Variants in MAF observed in about 807,000 individuals in gnomAD.
The protein encoded by MAF is transcription factor Maf.
Under a neutral mutation model 22.0 loss-of-function variants are expected in MAF, and 10 were observed. The observed-to-expected ratio is 0.45, with a 90% CI of 0.28 to 0.77. The LOEUF (loss-of-function observed/expected upper bound fraction) is 0.77, where lower values mean the gene tolerates loss of function less well. Among genes scored for constraint, MAF ranks in the 30% least tolerant of loss-of-function variants. MAF has a pLI of 0.12. For missense variants in MAF, 544 were observed against 548.4 expected (o/e 0.99, Z 0.08); for synonymous variants, 337 against 255.8 (o/e 1.32, Z -3.03).
downstream of MAF, among the ~76,000 whole-genome samples, chr16:79,589,705 G>T (rs527610625): frequency 5.3e-5 from 8 of 152,280 alleles, no homozygotes; most frequent in African/African-American, 1.9e-4. Flanking sequence ...GCGCACCGGG[G>T]AGTTTTGATA....
the MAF span, among the ~76,000 whole-genome samples, chr16:79,369,947 C>T: frequency 2.0e-5 from 3 of 152,208 alleles, no homozygotes; most frequent in African/African-American, 7.2e-5. Flanking sequence ...CACAGAGGGC[C>T]TCTCCCAACC....
the MAF span, among the ~76,000 whole-genome samples, chr16:79,422,701 T>G: frequency 6.6e-6 from 1 of 152,220 alleles, no homozygotes; most frequent in Non-Finnish European, 1.5e-5. Context: ...GATTTAAAAC[T>G]CATTCACTCA....
the MAF span, among the ~76,000 whole-genome samples, chr16:79,543,824 C>A: frequency 1.3e-4 from 20 of 152,116 alleles, no homozygotes; most frequent in South Asian, 4.2e-3. Context: ...GTAGCTGGGA[C>A]TACAGGCGCC....
chr16:79,213,661 T>G, the MAF span, among the ~76,000 whole-genome samples: 2 of 152,118 alleles, frequency 1.3e-5, no homozygotes, highest in African/African-American at 4.8e-5. Flanking sequence ...GAGAGACACG[T>G]AGTCACTCCC....
chr16:79,475,337 T>G, the MAF span, among the ~76,000 whole-genome samples: 6 of 148,030 alleles, frequency 4.1e-5, no homozygotes, highest in East Asian at 3.9e-4. Flanking sequence ...TATATGGAGA[T>G]ATATATATAT....
At chr16:79,297,215 A>G in the MAF span, among the ~76,000 whole-genome samples, 2 of 152,192 alleles carry the variant, frequency 1.3e-5, no homozygotes, top group South Asian at 4.1e-4. Flanking sequence ...AGGGGATCCA[A>G]TGAGACAACA....
the MAF span, among the ~76,000 whole-genome samples, chr16:79,230,918 T>C: frequency 2.0e-5 from 3 of 152,226 alleles, no homozygotes; most frequent in Admixed American, 2.0e-4. Context: ...GGGGTAGGGC[T>C]GCATACGCTA....
At chr16:79,426,235 C>A in the MAF span, among the ~76,000 whole-genome samples, 1 of 151,714 alleles carries the variant, frequency 6.6e-6, no homozygotes, top group African/African-American at 2.4e-5. Flanking sequence ...AACATCTTCA[C>A]TGAGGTGGAA....
At chr16:79,539,964 G>C in the MAF span, among the ~76,000 whole-genome samples, 2 of 152,052 alleles carry the variant, frequency 1.3e-5, no homozygotes, top group Non-Finnish European at 2.9e-5. Flanking sequence ...GATGATTTCT[G>C]TAACAAAAAA....
At chr16:79,202,694 C>G in the MAF span, 2 of 152,148 alleles carry the variant, frequency 1.3e-5, no homozygotes, top group African/African-American at 4.8e-5. Context: ...TGTTAACAAA[C>G]GAGTTCAAGT....
chr16:79,566,253 T>C, the MAF span, among the ~76,000 whole-genome samples: 4 of 152,142 alleles, frequency 2.6e-5, no homozygotes, highest in African/African-American at 4.8e-5. Context: ...CATGCATCAA[T>C]ATAGGACACA....
At chr16:79,263,664 A>G in the MAF span, among the ~76,000 whole-genome samples, 2 of 152,094 alleles carry the variant, frequency 1.3e-5, no homozygotes, top group Admixed American at 6.5e-5. Context: ...TAAACCTGTC[A>G]TTCTGTGTTT....
At chr16:79,335,795 T>C in the MAF span, among the ~76,000 whole-genome samples, 1 of 152,276 alleles carries the variant, frequency 6.6e-6, no homozygotes, top group South Asian at 2.1e-4. Context: ...CTCTGGTTGG[T>C]GATTTTCTTC....
chr16:79,471,453 T>C, the MAF span, among the ~76,000 whole-genome samples: 1,642 of 152,164 alleles, frequency 0.011, 38 homozygotes, highest in African/African-American at 0.038. Flanking sequence ...AGCCCAGGAG[T>C]TACAGCTCAG....
chr16:79,388,041 C>G, the MAF span, among the ~76,000 whole-genome samples: 3 of 152,184 alleles, frequency 2.0e-5, no homozygotes, highest in African/African-American at 4.8e-5. Context: ...AAAACTTCCA[C>G]TGAGTTTTCT....
chr16:79,413,400 C>T, the MAF span, among the ~76,000 whole-genome samples: 23,151 of 127,936 alleles, frequency 0.18, 2,716 homozygotes, highest in South Asian at 0.33. Flanking sequence ...CCTGCCACCT[C>T]GCCCGGCTAA....
At chr16:79,598,288 A>G in intron 1 of MAF, 1 of 1,075,482 alleles carries the variant, frequency 9.3e-7, no homozygotes, top group Non-Finnish European at 1.1e-6. Flanking sequence ...CAAACAAAAT[A>G]AAACACACAC....
At chr16:79,547,901 T>TGAGA in the MAF span, among the ~76,000 whole-genome samples, 2 of 137,266 alleles carry the variant, frequency 1.5e-5, no homozygotes, top group African/African-American at 5.3e-5. Context: ...TGTGTGTGTG[T>TGAGA]GAGAGAGAGA....
the MAF span, among the ~76,000 whole-genome samples, chr16:79,254,636 T>C: frequency 6.6e-6 from 1 of 152,226 alleles, no homozygotes; most frequent in African/African-American, 2.4e-5. Context: ...ACTGCTACTA[T>C]TGACTTTCTG....
Sources: gnomAD v4.1 joint callset for allele counts (sites outside exome capture counted in the v4.1 genomes callset) on GRCh38, gnomAD v4.1.1 for gene constraint, MANE v1.5 for transcripts, NCBI Gene and HGNC (gene_info 2026-07-23, HGNC 2026-07-21) for gene names.